RPH3A: variants seen among roughly 807,000 people sequenced by gnomAD.
The protein encoded by RPH3A is rabphilin-3A.
Under a neutral mutation model 102.2 loss-of-function variants are expected in RPH3A, and 48 were observed. The ratio of observed to expected loss-of-function variants is 0.47; its 90% CI spans 0.37 to 0.60. The LOEUF (loss-of-function observed/expected upper bound fraction) is 0.60. Ranked by LOEUF, RPH3A falls within the 20% of genes least tolerant of loss-of-function variation. The pLI is 0.00. For synonymous variants in RPH3A, 310 were observed against 324.3 expected (o/e 0.96, Z 0.47); for missense variants, 781 against 910.1 (o/e 0.86, Z 1.83).
At chr12:112,582,591 C>T (rs774904032) in intron 1 of RPH3A, among the ~76,000 whole-genome samples, 3 of 143,116 alleles carry the variant, frequency 2.1e-5, no homozygotes, top group East Asian at 2.0e-4. Context: ...GGACTACAGG[C>T]GTGTACCACC....
chr12:112,723,180 C>T (rs1010219376), intron 1 of RPH3A, among the ~76,000 whole-genome samples: 2 of 152,142 alleles, frequency 1.3e-5, no homozygotes, highest in Non-Finnish European at 1.5e-5. Context: ...TCCCCCTGTA[C>T]AGTCAAAAAT....
chr12:112,810,269 C>T (rs1327841080), intron 2 of RPH3A, among the ~76,000 whole-genome samples: 1 of 152,170 alleles, frequency 6.6e-6, no homozygotes, highest in Admixed American at 6.5e-5. Context: ...CAAATGCAGC[C>T]CCTATCAGTG....
chr12:112,846,268 G>A (rs2042226817), intron 4 of RPH3A, among the ~76,000 whole-genome samples: 1 of 152,160 alleles, frequency 6.6e-6, no homozygotes, highest in African/African-American at 2.4e-5. Flanking sequence ...TTTATTCTAA[G>A]TCAATGAGAC....
chr12:112,888,129 A>G (rs1047250899), intron 17 of RPH3A, among the ~76,000 whole-genome samples: 2 of 152,230 alleles, frequency 1.3e-5, no homozygotes, highest in Non-Finnish European at 2.9e-5. Context: ...TGTCAGCATC[A>G]CTTCGAACAT....
At chr12:112,839,744 T>C (rs909872257) in intron 4 of RPH3A, among the ~76,000 whole-genome samples, 16 of 152,160 alleles carry the variant, frequency 1.1e-4, no homozygotes, top group Non-Finnish European at 1.9e-4. Context: ...TCCCAGCACT[T>C]TGGGAGGCCG....
chr12:112,769,265 A>T (rs886266335), intron 1 of RPH3A, among the ~76,000 whole-genome samples: 3 of 152,000 alleles, frequency 2.0e-5, no homozygotes, highest in African/African-American at 7.3e-5. Flanking sequence ...TCTTCCTTCC[A>T]GTTTATCTCC....
At chr12:112,596,060 A>G (rs1380890548) in intron 1 of RPH3A, among the ~76,000 whole-genome samples, 2 of 152,216 alleles carry the variant, frequency 1.3e-5, no homozygotes, top group Admixed American at 6.5e-5. Context: ...GTATGTGTGG[A>G]CGAAGGGTGG....
At chr12:112,580,843 A>C (rs2039395816) in intron 1 of RPH3A, among the ~76,000 whole-genome samples, 1 of 152,182 alleles carries the variant, frequency 6.6e-6, no homozygotes, top group African/African-American at 2.4e-5. Flanking sequence ...AAAATATCAA[A>C]TCCCTACATT....
chr12:112,867,087 T>C (rs1381622092), intron 7 of RPH3A, among the ~76,000 whole-genome samples: 1 of 152,152 alleles, frequency 6.6e-6, no homozygotes, highest in African/African-American at 2.4e-5. Context: ...ACCCCATTTC[T>C]CACCTTATGG....
chr12:112,735,141 A>G (rs908729268), intron 1 of RPH3A, among the ~76,000 whole-genome samples: 1 of 152,234 alleles, frequency 6.6e-6, no homozygotes, highest in Admixed American at 6.5e-5. Context: ...GGTGTCACAG[A>G]GCAGAGATAA....
chr12:112,896,568 A>T lies in RPH3A; in HGVS notation c.1955-82A>T, dbSNP rs141378307. The T allele has an allele frequency of 4.3e-5, 67 of 1,546,642 alleles. No individual in the cohort carries two copies. The African/African-American group carries it at 7.1e-4, about 16-fold the overall frequency. ...GTTGCTGGGGGTCACTGCTTGGTGC[A>T]GTTTTTTCCCCAACTACACATTTGG... On this transcript the variant is annotated intron_variant, in intron 21 of 21. Coordinates refer to ENST00000389385, the MANE Select transcript of RPH3A (RefSeq NM_001143854.2).
At chr12:112,838,438 C>A (rs1593065377) in intron 4 of RPH3A, among the ~76,000 whole-genome samples, 4 of 152,164 alleles carry the variant, frequency 2.6e-5, no homozygotes, top group Admixed American at 2.6e-4. Flanking sequence ...GCCTTTATAC[C>A]AGCTGGGCAT....
At chr12:112,793,778 T>A (rs1222926819) in intron 2 of RPH3A, among the ~76,000 whole-genome samples, 1 of 152,092 alleles carries the variant, frequency 6.6e-6, no homozygotes, top group African/African-American at 2.4e-5. Context: ...TCGATCAGAA[T>A]GGCTAGGGTC....
intron 1 of RPH3A, among the ~76,000 whole-genome samples, chr12:112,609,279 G>A (rs1004328092): frequency 6.6e-6 from 1 of 152,164 alleles, no homozygotes; most frequent in African/African-American, 2.4e-5. Flanking sequence ...TGTTGCCAAG[G>A]CTGGTCTCAA....
Position 112,883,332 on chromosome 12 carries a change from A to G in RPH3A, c.1366A>G (p.Asn456Asp). ...TACAAAAACTCTGCGGAATACCCGG[A>G]ACCCCATCTGGAATGAGACCCTCGT... ...LRTKTLRNTR[N>D]PIWNETLVYH... Residue 456 changes from asparagine to aspartate, a missense_variant, in exon 16 of 22, where the codon AAC becomes GAC. Coordinates refer to ENST00000389385, the MANE Select transcript of RPH3A (RefSeq NM_001143854.2). The G allele has an allele frequency of 6.2e-7, 1 of 1,614,176 alleles. No individual in the cohort carries two copies. The highest frequency in any genetic ancestry group is 8.5e-7 in the Non-Finnish European group (1 of 1,180,030).
intron 1 of RPH3A, among the ~76,000 whole-genome samples, chr12:112,581,580 G>C (rs1049006118): frequency 6.6e-6 from 1 of 152,224 alleles, no homozygotes; most frequent in Non-Finnish European, 1.5e-5. Context: ...TTGGGAGGTA[G>C]CTAGAGATGG....
intron 1 of RPH3A, among the ~76,000 whole-genome samples, chr12:112,752,842 A>G (rs2040793951): frequency 6.6e-6 from 1 of 151,816 alleles, no homozygotes; most frequent in South Asian, 2.1e-4. Flanking sequence ...TTTGCAATAT[A>G]TCTTGAACCT....
At chr12:112,696,915 CT>C (rs372684111) in intron 1 of RPH3A, among the ~76,000 whole-genome samples, 156 of 147,162 alleles carry the variant, frequency 1.1e-3, no homozygotes, top group Admixed American at 2.0e-3. Context: ...TTTTTTCTTT[CT>C]TTTTTTTTTA....
chr12:112,624,152 A>G (rs1340377235), intron 1 of RPH3A, among the ~76,000 whole-genome samples: 1 of 131,084 alleles, frequency 7.6e-6, no homozygotes, highest in African/African-American at 3.0e-5. Context: ...TAAAAGAACT[A>G]GAAAAGCAAG....
Sources: allele counts gnomAD v4.1 joint callset (sites outside exome capture counted in the v4.1 genomes callset), GRCh38; gene constraint gnomAD v4.1.1; transcripts MANE v1.5; gene names NCBI Gene and HGNC (gene_info 2026-07-23, HGNC 2026-07-21).